Variants in PCDHA7 observed in about 807,000 individuals in gnomAD.
PCDHA7 encodes the protein protocadherin alpha-7.
A neutral mutation model predicts 57.2 loss-of-function variants in PCDHA7; 37 were observed. The ratio of observed to expected loss-of-function variants is 0.65; its 90% CI spans 0.50 to 0.85. PCDHA7 has a LOEUF of 0.85. Ranked by LOEUF, PCDHA7 falls within the 40% of genes least tolerant of loss-of-function variation. The pLI is 0.00. For missense variants in PCDHA7, 1,188 were observed against 1,241.8 expected (o/e 0.96, Z 0.65); for synonymous variants, 553 against 558.8 (o/e 0.99, Z 0.15).
intron 1 of PCDHA7, among the ~76,000 whole-genome samples, chr5:140,926,054 T>A (rs1018660828): frequency 6.6e-6 from 1 of 152,182 alleles, no homozygotes; most frequent in African/African-American, 2.4e-5. Flanking sequence ...CCCAACCTTC[T>A]TCCCCTCCTT....
At chr5:140,908,706 T>C (rs2074108716) in intron 1 of PCDHA7, among the ~76,000 whole-genome samples, 1 of 152,132 alleles carries the variant, frequency 6.6e-6, no homozygotes, top group South Asian at 2.1e-4. Context: ...TCAAGCACCA[T>C]TGGATCTGCT....
In PCDHA7 at chr5:140,883,463, T is replaced by C. The variant is rs1028584234; in HGVS notation, c.2355+46725T>C. On this transcript the variant is annotated intron_variant, in intron 1 of 3. Transcript: ENST00000525929. ...GCCGCATGTCCCCTTCAAGCTGGTGTCCACCTACAAGAACTACTACTCATT... is the reference window on the plus strand; with the variant it reads ...GCCGCATGTCCCCTTCAAGCTGGTGCCCACCTACAAGAACTACTACTCATT... 44 of 1,614,040 alleles carry C rather than the reference T, an allele frequency of 2.7e-5. No individual in the cohort carries two copies. Among genetic ancestry groups the C allele is most frequent in the Non-Finnish European group, 3.6e-5 (42 of 1,180,048 alleles).
chr5:140,884,172 G>T lies in PCDHA7; in HGVS notation c.2355+47434G>T, dbSNP rs142435897. ...TACACTGGCGAGATCAGCACGACGCGCCCTCTGGACGAGGTGGACGCGCCG... is the reference window on the plus strand; with the variant it reads ...TACACTGGCGAGATCAGCACGACGCTCCCTCTGGACGAGGTGGACGCGCCG... On this transcript the variant is annotated intron_variant, in intron 1 of 3. Transcript: ENST00000525929. 84 of 1,613,386 alleles carry T rather than the reference G, an allele frequency of 5.2e-5. No homozygotes were observed. In the African/African-American group the frequency reaches 9.2e-4, roughly 18 times the overall value.
At chr5:140,861,430 A>C in intron 1 of PCDHA7, 1 of 488,226 alleles carries the variant, frequency 2.0e-6, no homozygotes, top group Admixed American at 2.1e-5. Context: ...TTTCAGTTGG[A>C]TTCCAAAAGC....
chr5:140,877,782 GGCCTTCAGCCCAA>G, intron 1 of PCDHA7: 1 of 1,614,154 alleles, frequency 6.2e-7, no homozygotes, highest in Non-Finnish European at 8.5e-7. Context: ...CGGACCTCAT[GGCCTTCAGCCCAA>G]GCCTTCAGCT....
At position 140,843,586 on chromosome 5, in the gene PCDHA7, G is replaced by A. The variant is rs2150363126; in HGVS notation, c.2355+6848G>A. 23 of 1,596,010 alleles carry A rather than the reference G, an allele frequency of 1.4e-5. 4 individuals carry two copies. The highest frequency in any genetic ancestry group is 5.4e-5 in the African/African-American group (4 of 74,542). ...GCTGGTCATACTCGCAACAACAGCC[G>A]CAGAGGGTGTGCTCTGGTGAGGGGC... On this transcript the variant is annotated intron_variant, in intron 1 of 3. Coordinates refer to ENST00000525929, the MANE Select transcript of PCDHA7 (RefSeq NM_018910.3).
At position 140,932,324 on chromosome 5, in the gene PCDHA7, A is replaced by C. The variant is rs188019504; in HGVS notation, c.2356-46625A>C. On this transcript the variant is annotated intron_variant, in intron 1 of 3. Coordinates refer to ENST00000525929, the MANE Select transcript of PCDHA7 (RefSeq NM_018910.3). Reference sequence around the variant, plus strand: ...AAAGGTATAAATATATTAATGTAGCAAAAATGCATGAAACACTTACCATAC... The same window carrying C: ...AAAGGTATAAATATATTAATGTAGCCAAAATGCATGAAACACTTACCATAC... Among the ~76,000 whole-genome samples the C allele has an allele frequency of 5.8e-3, 886 of 152,084 alleles. 7 individuals are homozygous for C. The highest frequency in any genetic ancestry group is 0.021 in the African/African-American group (858 of 41,564).
intron 1 of PCDHA7, chr5:140,876,304 TCCTATGGGATC>T (rs1173311877): frequency 1.9e-6 from 3 of 1,613,956 alleles, no homozygotes; most frequent in Non-Finnish European, 2.5e-6. Context: ...TGGAGAAATT[TCCTATGGGATC>T]AAAATGATTT....
chr5:140,872,448 G>A (rs1164382380), intron 1 of PCDHA7, among the ~76,000 whole-genome samples: 2 of 151,992 alleles, frequency 1.3e-5, no homozygotes, highest in South Asian at 2.1e-4. Flanking sequence ...ACAACATAGC[G>A]AGATCCTGTC....
chr5:140,977,844 G>A (rs2096777589), intron 1 of PCDHA7, among the ~76,000 whole-genome samples: 1 of 152,136 alleles, frequency 6.6e-6, no homozygotes, highest in Admixed American at 6.5e-5. Context: ...TATTACTATG[G>A]CTTTGTTTCT....
At chr5:140,850,538 G>A (rs2150488632) in intron 1 of PCDHA7, 3 of 1,598,364 alleles carry the variant, frequency 1.9e-6, no homozygotes, top group Non-Finnish European at 1.7e-6. Context: ...CATCGTCGCG[G>A]GCGTCAGTGG....
At chr5:140,883,759 G>C (rs1554179777) in intron 1 of PCDHA7, 1 of 1,612,822 alleles carries the variant, frequency 6.2e-7, no homozygotes, top group Non-Finnish European at 8.5e-7. Context: ...TGGTGGAGCG[G>C]CGGGTGGGCG....
chr5:140,884,488 G>T, intron 1 of PCDHA7: 1 of 1,614,046 alleles, frequency 6.2e-7, no homozygotes, highest in East Asian at 2.2e-5. Context: ...CCACTCTAGT[G>T]TGCTCCAGCG....
At chr5:140,888,956 G>T (rs1043287613) in intron 1 of PCDHA7, among the ~76,000 whole-genome samples, 2 of 151,722 alleles carry the variant, frequency 1.3e-5, no homozygotes, top group Non-Finnish European at 2.9e-5. Flanking sequence ...TTTTTCTTTG[G>T]CAATGTTAAT....
rs2150489798 is a variant in PCDHA7, at chr5:140,850,571, G to T, written c.2355+13833G>T. 5 of 1,598,430 alleles carry T rather than the reference G, an allele frequency of 3.1e-6. No individual in the cohort carries two copies. In the East Asian group the frequency reaches 1.1e-4, roughly 36 times the overall value. ...TGGGTGCCACGGGCCCCGAGGTGAC[G>T]CTGGTGGATGTCAACGTGTACCTGA... On this transcript the variant is annotated intron_variant, in intron 1 of 3. Coordinates refer to ENST00000525929, the MANE Select transcript of PCDHA7 (RefSeq NM_018910.3).
intron 1 of PCDHA7, chr5:140,869,751 C>G: frequency 1.2e-6 from 2 of 1,613,134 alleles, no homozygotes. Flanking sequence ...CAGCTACAGA[C>G]GGGGGAAAAC....
intron 1 of PCDHA7, among the ~76,000 whole-genome samples, chr5:140,942,855 A>G (rs1323763970): frequency 6.6e-6 from 1 of 152,110 alleles, no homozygotes; most frequent in African/African-American, 2.4e-5. Flanking sequence ...TAAGATGATT[A>G]TTTTGCTTTA....
chr5:140,948,240 T>C (rs1554218495), intron 1 of PCDHA7, among the ~76,000 whole-genome samples: 1 of 151,684 alleles, frequency 6.6e-6, no homozygotes, highest in East Asian at 1.9e-4. Flanking sequence ...TGTATTTTAG[T>C]AAATATTTTT....
intron 1 of PCDHA7, chr5:140,849,776 G>T: frequency 6.3e-7 from 1 of 1,598,464 alleles, no homozygotes; most frequent in Non-Finnish European, 8.6e-7. Flanking sequence ...TGGTTACCGC[G>T]CGGGACGGGG....
Sources: allele counts gnomAD v4.1 joint callset (sites outside exome capture counted in the v4.1 genomes callset), GRCh38; gene constraint gnomAD v4.1.1; transcripts MANE v1.5; gene names NCBI Gene and HGNC (gene_info 2026-07-23, HGNC 2026-07-21).